The following ZNF618 variants were observed in gnomAD, a reference collection of about 807,000 sequenced individuals.
ZNF618 encodes neural precursor cell expressed, developmentally down-regulated 10.
Under a neutral mutation model 103.0 loss-of-function variants are expected in ZNF618, and 34 were observed. The ratio of observed to expected loss-of-function variants is 0.33; its 90% CI spans 0.25 to 0.44. The LOEUF is 0.44. Among genes scored for constraint, ZNF618 ranks in the 20% least tolerant of loss-of-function variants. The pLI, the probability that ZNF618 is intolerant of heterozygous loss-of-function variation, is 1.00. For synonymous variants in ZNF618, 551 were observed against 542.2 expected, an observed-to-expected ratio of 1.02 and a Z score of -0.23; for missense variants, 1,059 against 1,295.4, an observed-to-expected ratio of 0.82 and a Z score of 2.80.
At chr9:114,011,563 C>T (rs1184869347) in intron 9 of ZNF618, among the ~76,000 whole-genome samples, 2 of 152,234 alleles carry the variant, frequency 1.3e-5, no homozygotes, top group Admixed American at 1.3e-4. Flanking sequence ...GAGACAAAAA[C>T]GTTGCTTCTT....
At chr9:114,001,935 G>T (rs1402949111) in intron 4 of ZNF618, 61 bp from the exon 5 acceptor site, 1 of 1,446,154 alleles carries the variant, frequency 6.9e-7, no homozygotes, top group Non-Finnish European at 9.7e-7. Context: ...TCGCCTGTGG[G>T]TCCTGGGACC....
chr9:114,018,029 T>C (rs1376146944), intron 10 of ZNF618, among the ~76,000 whole-genome samples: 1 of 152,202 alleles, frequency 6.6e-6, no homozygotes, highest in East Asian at 1.9e-4. Context: ...GTTGCTTTCC[T>C]TCTCTGGGCT....
At chr9:114,008,284 C>T (rs368916379) in intron 7 of ZNF618, 60 bp from the exon 8 acceptor site, 1 of 1,607,128 alleles carries the variant, frequency 6.2e-7, no homozygotes, top group African/African-American at 1.3e-5. Context: ...TGGGCAGGGA[C>T]TAACAGGGCT....
intron 1 of ZNF618, among the ~76,000 whole-genome samples, chr9:113,889,114 A>G (rs139011156): frequency 6.6e-6 from 1 of 152,130 alleles, no homozygotes; most frequent in Non-Finnish European, 1.5e-5. Flanking sequence ...CGCAACAATG[A>G]TCATTTATTG....
At position 113,998,359 on chromosome 9, in the gene ZNF618, G is replaced by T; in HGVS notation, c.433+5G>T. 6.5e-7 allele frequency: 1 copy of T among 1,550,074 alleles called. No individual in the cohort carries two copies. Among genetic ancestry groups the T allele is most frequent in the Non-Finnish European group, 8.7e-7 (1 of 1,146,782 alleles). The stretch of plus-strand genomic sequence containing the variant: ...AAGCATTGAGATATGCATCTGGTAC[G>T]TGATGGCCAAGGGGTAGTGCCTGAT... On this transcript the variant is annotated splice_donor_5th_base_variant and intron_variant, in intron 4 of 14. Coordinates refer to ENST00000374126, the MANE Select transcript of ZNF618 (RefSeq NM_001318042.2).
chr9:113,920,835 A>T (rs1006088005), intron 1 of ZNF618, among the ~76,000 whole-genome samples: 4 of 152,382 alleles, frequency 2.6e-5, no homozygotes, highest in Middle Eastern at 3.4e-3. Context: ...TGATAGTATC[A>T]ATAGGATTTA....
chr9:113,987,578 G>T (rs1839603619), intron 2 of ZNF618, among the ~76,000 whole-genome samples: 1 of 152,202 alleles, frequency 6.6e-6, no homozygotes, highest in Non-Finnish European at 1.5e-5. Flanking sequence ...AAGCCTTCTT[G>T]CCTAGGAACG....
Position 114,055,747 on chromosome 9 carries a change from AAC to A in ZNF618, c.*5584_*5585del, listed in dbSNP as rs943132952. 6.6e-6 allele frequency: 1 copy of A among 152,490 alleles called. No homozygotes were observed. The highest frequency in any genetic ancestry group is 1.5e-5 in the Non-Finnish European group (1 of 68,038). 9.4% of individuals were successfully genotyped at this position (152,490 alleles called of 1,614,324 possible). On this transcript the variant is annotated 3_prime_UTR_variant, in exon 15 of 15. Coordinates refer to ENST00000374126, the MANE Select transcript of ZNF618 (RefSeq NM_001318042.2). ...TACAAAAAAAATTTACAAAAAAACA[AAC>A]ACAAAAAAAATATCTTTTTTAGGCC...
At chr9:113,902,239 CAG>C (rs1312230383) in intron 1 of ZNF618, among the ~76,000 whole-genome samples, 11 of 152,140 alleles carry the variant, frequency 7.2e-5, no homozygotes, top group African/African-American at 2.4e-4. Context: ...ATTGCAGGGT[CAG>C]GGGCTGGTTC....
chr9:113,999,587 C>T (rs957487981), intron 4 of ZNF618, among the ~76,000 whole-genome samples: 2 of 152,208 alleles, frequency 1.3e-5, no homozygotes, highest in South Asian at 2.1e-4. Context: ...CATGTGCCCA[C>T]AGCTCTCCCA....
chr9:113,963,257 G>A (rs1304337898), intron 1 of ZNF618, among the ~76,000 whole-genome samples: 1 of 152,188 alleles, frequency 6.6e-6, no homozygotes, highest in African/African-American at 2.4e-5. Context: ...CACTGCCGAG[G>A]TCACATATCT....
chr9:114,016,246 G>T (rs1260714787), intron 9 of ZNF618: 4 of 1,394,552 alleles, frequency 2.9e-6, no homozygotes, highest in Non-Finnish European at 4.1e-6. Context: ...GTGCTTGGGG[G>T]CAGGGAAGGT....
chr9:113,988,053 C>T (rs1416400223), intron 2 of ZNF618, among the ~76,000 whole-genome samples: 1 of 152,222 alleles, frequency 6.6e-6, no homozygotes, highest in African/African-American at 2.4e-5. Flanking sequence ...ATCTAGACCT[C>T]TTGAGACCTC....
chr9:113,949,330 C>G (rs760334876), intron 1 of ZNF618, among the ~76,000 whole-genome samples: 1 of 152,198 alleles, frequency 6.6e-6, no homozygotes, highest in Non-Finnish European at 1.5e-5. Flanking sequence ...TTCAAGGGGT[C>G]GGTGGCAGAG....
chr9:113,969,092 T>C, intron 1 of ZNF618, 25 bp from the exon 2 acceptor site: 2 of 1,613,864 alleles, frequency 1.2e-6, no homozygotes, highest in Non-Finnish European at 1.7e-6. Flanking sequence ...TTGGCTGATG[T>C]AGGTGTTTTG....
At position 113,924,043 on chromosome 9, in the gene ZNF618, G is replaced by A. The variant is rs1832868142; in HGVS notation, c.34-45074G>A. 6.6e-5 allele frequency among the ~76,000 whole-genome samples: 10 copies of A among 152,202 alleles called. No homozygotes were observed. In the South Asian group the frequency reaches 2.1e-3, roughly 32 times the overall value. On this transcript the variant is annotated intron_variant, in intron 1 of 14. Coordinates refer to ENST00000374126, the MANE Select transcript of ZNF618 (RefSeq NM_001318042.2). ...GAGTAATGTTAGTGTCGTAGAATGAGTTAGGAAGTTTTCTCTCTGCTTCTA... is the reference window on the plus strand; with the variant it reads ...GAGTAATGTTAGTGTCGTAGAATGAATTAGGAAGTTTTCTCTCTGCTTCTA...
chr9:113,898,165 C>G (rs946083566), intron 1 of ZNF618, among the ~76,000 whole-genome samples: 1 of 152,286 alleles, frequency 6.6e-6, no homozygotes, highest in Admixed American at 6.5e-5. Context: ...CTGTTTCACT[C>G]TGTTCTTGTC....
At chr9:114,002,559 C>G (rs1039033914) in intron 5 of ZNF618, 65 bp from the exon 6 acceptor site, 27 of 774,098 alleles carry the variant, frequency 3.5e-5, no homozygotes, top group Non-Finnish European at 5.2e-5. Flanking sequence ...CTCTTTTGCA[C>G]TTGGCACTGG....
intron 1 of ZNF618, among the ~76,000 whole-genome samples, chr9:113,966,193 A>G (rs1207468705): frequency 6.6e-6 from 1 of 152,184 alleles, no homozygotes; most frequent in Non-Finnish European, 1.5e-5. Flanking sequence ...TATTTAAGCT[A>G]TCTCAAGTCC....
Sources: gnomAD v4.1 joint callset for allele counts (sites outside exome capture counted in the v4.1 genomes callset) on GRCh38, gnomAD v4.1.1 for gene constraint, MANE v1.5 for transcripts, NCBI Gene and HGNC (gene_info 2026-07-23, HGNC 2026-07-21) for gene names.